The following BEST2 variants were observed in gnomAD, a reference collection of about 807,000 sequenced individuals.
BEST2 encodes the protein bestrophin-2a.
BEST2 carries 36 observed loss-of-function variants against 49.0 expected under a neutral mutation model. The observed-to-expected ratio is 0.73, with a 90% CI of 0.56 to 0.97. The LOEUF (loss-of-function observed/expected upper bound fraction) is 0.97. BEST2 is among the 50% of genes least tolerant of loss of function. BEST2 has a pLI of 0.00. For missense variants in BEST2, 672 were observed against 710.0 expected (o/e 0.95, Z 0.61); for synonymous variants, 335 against 304.4 (o/e 1.10, Z -1.05).
At position 12,755,251 on chromosome 19, in the gene BEST2, C is replaced by A; in HGVS notation, c.637-128C>A. The A allele has an allele frequency of 8.9e-7, 1 of 1,120,432 alleles. No homozygotes were observed. 69.4% of individuals were successfully genotyped at this position (1,120,432 alleles called of 1,614,324 possible). ...GCACACTCACCACCAAATACCCTCCCTGGAACCCCCAAAGCACACTCCCAA... is the reference window on the plus strand; with the variant it reads ...GCACACTCACCACCAAATACCCTCCATGGAACCCCCAAAGCACACTCCCAA... On this transcript the variant is annotated intron_variant, in intron 5 of 9. Transcript: ENST00000553030. This position sits in a 1 kb window ranked among gnomAD's most constrained non-coding sequence, Gnocchi z 4.4.
chr19:12,758,102 G>A lies in BEST2; in HGVS notation c.*25G>A, dbSNP rs1422349466. 20 of 1,608,980 alleles carry A rather than the reference G, an allele frequency of 1.2e-5. No homozygotes were observed. Among genetic ancestry groups the A allele is most frequent in the Non-Finnish European group, 1.7e-5 (20 of 1,178,616 alleles). On this transcript the variant is annotated 3_prime_UTR_variant, in exon 10 of 10. Coordinates refer to ENST00000553030, the MANE Select transcript of BEST2 (RefSeq NM_017682.3). ...AGATCTTAGAGCCCAGCCCCCTAAG[G>A]ACAGGGAACCAGGTCCCTGCACGGC...
Position 12,757,964 on chromosome 19 carries a change from C to G in BEST2, c.1417C>G (p.Leu473Val). Residue 473 changes from leucine to valine, a missense_variant, in exon 10 of 10, where the codon CTC becomes GTC. By Grantham distance (32) the Leu-to-Val change is conservative. Around this residue, in one of 3 missense-constraint regions of BEST2, gnomAD observed 291 missense variants for 279.8 expected, o/e 1.04. Transcript: ENST00000553030. ...PPPAGPEPLTLIPGPVEPFSI... is the reference protein window; with the variant it reads ...PPPAGPEPLTVIPGPVEPFSI... Reference sequence around the variant, plus strand: ...CCCTGCGGGTCCCGAACCGCTTACCCTCATCCCTGGGCCTGTCGAGCCCTT... The same window carrying G: ...CCCTGCGGGTCCCGAACCGCTTACCGTCATCCCTGGGCCTGTCGAGCCCTT... The G allele has an allele frequency of 1.2e-6, 2 of 1,607,090 alleles. No individual in the cohort carries two copies. Among genetic ancestry groups the G allele is most frequent in the Non-Finnish European group, 1.7e-6 (2 of 1,178,016 alleles).
chr19:12,755,294 C>G lies in BEST2; in HGVS notation c.637-85C>G. The G allele has an allele frequency of 7.0e-7, 1 of 1,429,424 alleles. No homozygotes were observed. Among genetic ancestry groups the G allele is most frequent in the Non-Finnish European group, 9.8e-7 (1 of 1,015,500 alleles). 88.5% of individuals were successfully genotyped at this position (1,429,424 alleles called of 1,614,324 possible). A position where few individuals can be genotyped will look rare whatever the true frequency, so the allele number is the denominator to read the frequency against. ...ACTCCCAATTCCCACCAGGTGACCA[C>G]CCACCTCCATCCCACGTACCTACAC... On this transcript the variant is annotated intron_variant, in intron 5 of 9. Transcript: ENST00000553030. This position sits in a 1 kb window ranked among gnomAD's most constrained non-coding sequence, Gnocchi z 4.4.
chr19:12,754,062 CTTTT>C (rs36076549), intron 3 of BEST2, among the ~76,000 whole-genome samples: 15 of 54,450 alleles, frequency 2.8e-4, no homozygotes, highest in Admixed American at 5.0e-4. Context: ...GCTGCTCTGC[CTTTT>C]TTTTTTTTTT....
intron 3 of BEST2, 117 bp downstream of exon 3, chr19:12,753,471 C>A: frequency 1.1e-6 from 1 of 923,136 alleles, no homozygotes; most frequent in African/African-American, 1.6e-5. Flanking sequence ...AAATCCAACC[C>A]CGACAGCACT....
chr19:12,752,763 G>T lies in BEST2; in HGVS notation c.152+19G>T. ...CCTACCGGTGAGGCTGCCCTGAGGT[G>T]CTCATGTTCTAGCGGAGGGGGGGCA... On this transcript the variant is annotated intron_variant, in intron 2 of 9. Coordinates refer to ENST00000553030, the MANE Select transcript of BEST2 (RefSeq NM_017682.3). 6.3e-7 allele frequency: 1 copy of T among 1,595,164 alleles called. No homozygotes were observed. The highest frequency in any genetic ancestry group is 8.6e-7 in the Non-Finnish European group (1 of 1,169,560).
chr19:12,756,921 A>G (rs1967951631), intron 9 of BEST2, among the ~76,000 whole-genome samples: 1 of 152,010 alleles, frequency 6.6e-6, no homozygotes, highest in African/African-American at 2.4e-5. Context: ...AGGCAGGTGG[A>G]TCACTTGAGG....
intron 9 of BEST2, 40 bp from the exon 10 acceptor site, chr19:12,757,611 G>A: frequency 6.6e-7 from 1 of 1,515,758 alleles, no homozygotes; most frequent in Non-Finnish European, 8.8e-7. Context: ...CTGTCAACAA[G>A]AGGCGAGGCC....
In BEST2 at chr19:12,754,841, G is replaced by A. The variant is rs866757157; in HGVS notation, c.482-36G>A. 4.7e-5 allele frequency: 75 copies of A among 1,595,816 alleles called. 1 individual carries two copies. In the Middle Eastern group the frequency reaches 0.01, roughly 223 times the overall value. On this transcript the variant is annotated intron_variant, in intron 4 of 9. Transcript: ENST00000553030. ...CCGGGCAAGGACCAGGTGGAGGGGGGCAAGGGGCGAGCTATCCCTGACCCC... is the reference window on the plus strand; with the variant it reads ...CCGGGCAAGGACCAGGTGGAGGGGGACAAGGGGCGAGCTATCCCTGACCCC...
intron 9 of BEST2, 102 bp downstream of exon 9, chr19:12,756,397 A>C: frequency 6.9e-7 from 1 of 1,450,568 alleles, no homozygotes; most frequent in Non-Finnish European, 9.4e-7. Flanking sequence ...GGAGATGGGG[A>C]TAAGAGCTAA....
At chr19:12,754,062 CTTTTTTTTTTTTT>C (rs36076549) in intron 3 of BEST2, among the ~76,000 whole-genome samples, 6 of 54,456 alleles carry the variant, frequency 1.1e-4, no homozygotes, top group South Asian at 6.2e-4. Flanking sequence ...GCTGCTCTGC[CTTTTTTTTTTTTT>C]TTTTTTTTTT....
chr19:12,757,949 C>A lies in BEST2; in HGVS notation c.1402C>A (p.Pro468Thr). The change falls in exon 10 of 10, where the codon CCC (proline) becomes ACC (threonine). Residue 468 changes from proline (P) to threonine (T), a missense_variant. Coordinates refer to ENST00000553030, the MANE Select transcript of BEST2 (RefSeq NM_017682.3). Reference protein sequence around the residue: ...PEPEAPPPAGPEPLTLIPGPV... With the variant: ...PEPEAPPPAGTEPLTLIPGPV... ...GCCCGAGGCCCCGCCCCCTGCGGGT[C>A]CCGAACCGCTTACCCTCATCCCTGG... 1 of 1,594,538 alleles carries A rather than the reference C, an allele frequency of 6.3e-7. No individual in the cohort carries two copies. Among genetic ancestry groups the A allele is most frequent in the Non-Finnish European group, 8.5e-7 (1 of 1,172,586 alleles).
rs749417306 is a variant in BEST2, at chr19:12,752,751, C to T, written c.152+7C>T. ...CGCTGAGTGCTGCCTACCGGTGAGG[C>T]TGCCCTGAGGTGCTCATGTTCTAGC... On this transcript the variant is annotated splice_region_variant and intron_variant, in intron 2 of 9. Coordinates refer to ENST00000553030, the MANE Select transcript of BEST2 (RefSeq NM_017682.3). The T allele has an allele frequency of 6.2e-7, 1 of 1,610,162 alleles. No homozygotes were observed. Among genetic ancestry groups the T allele is most frequent in the East Asian group, 2.2e-5 (1 of 44,806 alleles).
chr19:12,754,532 C>T lies in BEST2; in HGVS notation c.248-20C>T. 6.8e-7 allele frequency: 1 copy of T among 1,473,656 alleles called. No homozygotes were observed. Among genetic ancestry groups the T allele is most frequent in the African/African-American group, 1.4e-5 (1 of 71,118 alleles). The allele number at this position is 1,473,656 out of a possible 1,614,324, so 91.3% of individuals were successfully genotyped here. On this transcript the variant is annotated intron_variant, in intron 3 of 9. Transcript: ENST00000553030. ...GGCCCTGGTGTCCCCACTGAGCCCC[C>T]ATTCCCCGCTCCCCTGCAGGCTTTT...
Position 12,754,967 on chromosome 19 carries a change from T to G in BEST2, c.572T>G (p.Leu191Arg), listed in dbSNP as rs746121828. The change falls in exon 5 of 10, where the codon CTG becomes CGG. Residue 191 changes from leucine (L) to arginine (R), a missense_variant. Around this residue, in one of 3 missense-constraint regions of BEST2, gnomAD observed 365 missense variants for 390.9 expected, o/e 0.93. Coordinates refer to ENST00000553030, the MANE Select transcript of BEST2 (RefSeq NM_017682.3). ...GTGCCCTGCGTCTGGTTCTCCAACC[T>G]GGCGGCACAGGCCCGACGCGAGGGC... ...YWVPCVWFSN[L>R]AAQARREGRI... 3 of 1,613,834 alleles carry G rather than the reference T, an allele frequency of 1.9e-6. No homozygotes were observed. The South Asian group carries it at 3.3e-5, about 18-fold the overall frequency.
rs776776362 is a variant in BEST2 at position 12,754,981 on chromosome 19, C to T, written c.586C>T (p.Arg196Ter). Residue 196 changes from arginine (R) to a stop codon, truncating the protein, a stop_gained, in exon 5 of 10, where the codon CGA (arginine) becomes TGA (stop). Coordinates refer to ENST00000553030, the MANE Select transcript of BEST2 (RefSeq NM_017682.3). LOFTEE classifies it high-confidence loss of function. Reference sequence around the variant, plus strand: ...GTTCTCCAACCTGGCGGCACAGGCCCGACGCGAGGGCCGCATCCGCGACAA... The same window carrying T: ...GTTCTCCAACCTGGCGGCACAGGCCTGACGCGAGGGCCGCATCCGCGACAA... Reference protein sequence around the residue: ...VWFSNLAAQARREGRIRDNSA... With the variant: ...VWFSNLAAQA 1.7e-5 allele frequency: 27 copies of T among 1,612,824 alleles called. No homozygotes were observed. The highest frequency in any genetic ancestry group is 1.1e-4 in the South Asian group (10 of 90,948).
chr19:12,757,368 C>T (rs1489436867), intron 9 of BEST2, among the ~76,000 whole-genome samples: 2 of 152,132 alleles, frequency 1.3e-5, no homozygotes, highest in East Asian at 3.8e-4. Flanking sequence ...GCCGAGATTG[C>T]GCCACTGTAC....
chr19:12,756,891 C>A (rs1238057149), intron 9 of BEST2, among the ~76,000 whole-genome samples: 1 of 151,856 alleles, frequency 6.6e-6, no homozygotes, highest in Non-Finnish European at 1.5e-5. Flanking sequence ...TGCCTGTAAT[C>A]CCAGCACTTT....
Position 12,755,584 on chromosome 19 carries a change from AC to A in BEST2, c.715-25del, listed in dbSNP as rs1354078861. 1.9e-6 allele frequency: 3 copies of A among 1,608,266 alleles called. No homozygotes were observed. Among genetic ancestry groups the A allele is most frequent in the Non-Finnish European group, 2.6e-6 (3 of 1,176,438 alleles). On this transcript the variant is annotated intron_variant, in intron 6 of 9. Coordinates refer to ENST00000553030, the MANE Select transcript of BEST2 (RefSeq NM_017682.3). The surrounding 1 kb of genome is among the most constrained non-coding windows in gnomAD (Gnocchi z 4.4). ...CTAATCCTAGCCTTGGACCCCAATGACCCCCCTGAGCCCTGCCCCGCCCTGC... is the reference window on the plus strand; with the variant it reads ...CTAATCCTAGCCTTGGACCCCAATGACCCCCTGAGCCCTGCCCCGCCCTGC...
Sources: gnomAD v4.1 joint callset for allele counts (sites outside exome capture counted in the v4.1 genomes callset) on GRCh38, gnomAD v4.1.1 for gene constraint, gnomAD v4.1.1 regional missense constraint, Gnocchi (gnomAD v3.1) non-coding constraint, MANE v1.5 for transcripts, NCBI Gene and HGNC (gene_info 2026-07-23, HGNC 2026-07-21) for gene names.